SOX5: variants seen among roughly 807,000 people sequenced by gnomAD.
SOX5 encodes transcription factor SOX-5.
Under a neutral mutation model 92.0 loss-of-function variants are expected in SOX5, and 9 were observed. The ratio of observed to expected loss-of-function variants is 0.10; its 90% CI spans 0.06 to 0.17. The LOEUF (loss-of-function observed/expected upper bound fraction) is 0.17, where lower values mean the gene tolerates loss of function less well. Among genes scored for constraint, SOX5 ranks in the 10% least tolerant of loss-of-function variants. The probability of loss-of-function intolerance (pLI) is 1.00; values close to 1 mark genes in which losing one functional copy is unlikely to be tolerated. For missense variants in SOX5, 642 were observed against 944.5 expected (o/e 0.68, Z 4.20); for synonymous variants, 344 against 336.3 (o/e 1.02, Z -0.25).
chr12:24,276,981 T>C (rs1487764099), intron 3 of SOX5, among the ~76,000 whole-genome samples: 5 of 152,120 alleles, frequency 3.3e-5, no homozygotes, highest in Non-Finnish European at 5.9e-5. Context: ...AAAAGAAATG[T>C]TGCTATCATC....
At position 23,860,952 on chromosome 12, in the gene SOX5, T is replaced by TAAAAAAAA. The variant is rs71059935; in HGVS notation, c.271-14767_271-14760dup. Among the ~76,000 whole-genome samples, 281 of 45,578 alleles carry TAAAAAAAA rather than the reference T, an allele frequency of 6.2e-3. 4 individuals are homozygous for TAAAAAAAA. Among genetic ancestry groups the TAAAAAAAA allele is most frequent in the African/African-American group, 0.023 (271 of 11,820 alleles). 29.9% of individuals were successfully genotyped at this position (45,578 alleles called of 152,430 possible). On this transcript the variant is annotated intron_variant, in intron 2 of 14. Transcript: ENST00000451604. ...ATTTTGAAACACAAAGTATATTTTG[T>TAAAAAAAA]AAAAAAAAAAAAAAAAAAAAAAAAA...
chr12:23,878,854 T>C (rs1391973196), intron 2 of SOX5, among the ~76,000 whole-genome samples: 1 of 152,138 alleles, frequency 6.6e-6, no homozygotes, highest in Non-Finnish European at 1.5e-5. Context: ...TTCTATTTAT[T>C]GCAGATATCC....
chr12:24,038,302 T>A (rs1592578018), intron 4 of SOX5, among the ~76,000 whole-genome samples: 1 of 152,254 alleles, frequency 6.6e-6, no homozygotes, highest in East Asian at 1.9e-4. Flanking sequence ...AACTCATCCC[T>A]CCCAGGCTTT....
At chr12:23,801,039 A>C (rs1298217178) in intron 3 of SOX5, among the ~76,000 whole-genome samples, 6 of 152,212 alleles carry the variant, frequency 3.9e-5, no homozygotes, top group African/African-American at 1.4e-4. Flanking sequence ...ATACTGTTGC[A>C]GCCCATTCCT....
intron 13 of SOX5, among the ~76,000 whole-genome samples, chr12:23,539,504 G>T (rs542764662): frequency 2.3e-3 from 356 of 151,956 alleles, no homozygotes; most frequent in Non-Finnish European, 4.1e-3. Context: ...ACTCCCGTGG[G>T]GCTCACAAAG....
At chr12:24,434,713 C>G (rs537391971) in intron 1 of SOX5, among the ~76,000 whole-genome samples, 16 of 152,152 alleles carry the variant, frequency 1.1e-4, no homozygotes, top group Admixed American at 3.3e-4. Context: ...CTCACTCTCT[C>G]CCTTCCTTCT....
At chr12:24,217,933 T>C (rs1959417709) in intron 3 of SOX5, among the ~76,000 whole-genome samples, 1 of 152,204 alleles carries the variant, frequency 6.6e-6, no homozygotes, top group African/African-American at 2.4e-5. Context: ...GACATGCCAC[T>C]ATATATCCAC....
chr12:23,539,619 AAG>A (rs1342832420), intron 13 of SOX5, among the ~76,000 whole-genome samples: 6 of 149,832 alleles, frequency 4.0e-5, no homozygotes, highest in African/African-American at 7.3e-5. Context: ...AAAAAAAAAA[AAG>A]AGGAAAAAAA....
At chr12:23,949,540 T>A (rs1321326319) in intron 1 of SOX5, 24 bp downstream of exon 1, 1 of 1,613,134 alleles carries the variant, frequency 6.2e-7, no homozygotes, top group Admixed American at 1.7e-5. Context: ...CTTCAATATA[T>A]TAGGGGGAAA....
intron 2 of SOX5, among the ~76,000 whole-genome samples, chr12:24,365,765 A>G (rs1233095324): frequency 6.6e-6 from 1 of 151,738 alleles, no homozygotes; most frequent in African/African-American, 2.4e-5. Context: ...TTGAATCAAC[A>G]TTAGGAAACT....
intron 4 of SOX5, among the ~76,000 whole-genome samples, chr12:24,156,639 CAATT>C (rs1323814881): frequency 3.3e-5 from 5 of 152,094 alleles, no homozygotes; most frequent in Admixed American, 6.6e-5. Flanking sequence ...AACTATAATA[CAATT>C]AATTTATGTA....
At chr12:24,533,287 T>C (rs2138680300) in intron 1 of SOX5, among the ~76,000 whole-genome samples, 1 of 152,316 alleles carries the variant, frequency 6.6e-6, no homozygotes, top group East Asian at 1.9e-4. Flanking sequence ...TCGTTGACAT[T>C]AGAACTCAGA....
chr12:24,547,725 T>C (rs1952782815), intron 1 of SOX5, among the ~76,000 whole-genome samples: 1 of 152,212 alleles, frequency 6.6e-6, no homozygotes, highest in African/African-American at 2.4e-5. Context: ...CCAACCTCTC[T>C]TCGGTGCTCT....
At chr12:24,514,274 G>A (rs1340689050) in intron 1 of SOX5, among the ~76,000 whole-genome samples, 4 of 152,098 alleles carry the variant, frequency 2.6e-5, no homozygotes, top group African/African-American at 9.7e-5. Context: ...GCAGAATCCT[G>A]ACAATTTTAT....
chr12:24,450,260 A>C (rs1269882819), intron 1 of SOX5, among the ~76,000 whole-genome samples: 2 of 152,172 alleles, frequency 1.3e-5, no homozygotes, highest in Non-Finnish European at 2.9e-5. Flanking sequence ...CACAGTAAGT[A>C]ATGTGTGGGG....
intron 3 of SOX5, among the ~76,000 whole-genome samples, chr12:23,819,722 T>TC (rs1325991677): frequency 6.6e-6 from 1 of 152,176 alleles, no homozygotes; most frequent in African/African-American, 2.4e-5. Flanking sequence ...AATGATGGTT[T>TC]CCAGTGTATC....
rs1344202823 is a variant in SOX5, at chr12:23,850,426, TA to T, written c.271-4234del. 2.2e-4 allele frequency among the ~76,000 whole-genome samples: 24 copies of T among 107,866 alleles called. No homozygotes were observed. The South Asian group carries it at 2.5e-3, about 11-fold the overall frequency. 70.8% of individuals were successfully genotyped at this position (107,866 alleles called of 152,430 possible). A position where few individuals can be genotyped will look rare whatever the true frequency, so the allele number is the denominator to read the frequency against. On this transcript the variant is annotated intron_variant, in intron 2 of 14. Coordinates refer to ENST00000451604, the MANE Select transcript of SOX5 (RefSeq NM_006940.6). ...CCTGGTGACAGAGTGAGACTCTGTC[TA>T]CAAAAAAAAAATAAATAAATAAATA...
In SOX5 at chr12:23,742,598, G is replaced by C. The variant is rs541982512; in HGVS notation, c.569-1559C>G. Among the ~76,000 whole-genome samples, 20 of 152,238 alleles carry C rather than the reference G, an allele frequency of 1.3e-4. No individual in the cohort carries two copies. In the East Asian group the frequency reaches 2.9e-3, roughly 22 times the overall value. ...ATCTTCCTACATTGTTAATAGAGAA[G>C]TAAATTTCTACCACATTTCAAGGAA... On this transcript the variant is annotated intron_variant, in intron 4 of 14. Transcript: ENST00000451604.
intron 1 of SOX5, among the ~76,000 whole-genome samples, chr12:24,520,266 T>A (rs943916771): frequency 6.6e-6 from 1 of 151,940 alleles, no homozygotes; most frequent in Non-Finnish European, 1.5e-5. Flanking sequence ...TATATAAACA[T>A]ATACAGATAA....
Sources: allele counts gnomAD v4.1 joint callset (sites outside exome capture counted in the v4.1 genomes callset), GRCh38; gene constraint gnomAD v4.1.1; transcripts MANE v1.5; gene names NCBI Gene and HGNC (gene_info 2026-07-23, HGNC 2026-07-21).